The following TNXB variants were observed in gnomAD, a reference collection of about 807,000 sequenced individuals.
TNXB encodes the protein tenascin-X.
TNXB carries 183 observed loss-of-function variants against 340.5 expected under a neutral mutation model. The observed-to-expected ratio is 0.54, with a 90% CI of 0.48 to 0.61. The LOEUF (loss-of-function observed/expected upper bound fraction) is 0.61. Among genes scored for constraint, TNXB ranks in the 20% least tolerant of loss-of-function variants. The probability of loss-of-function intolerance (pLI) is 0.00; values close to 1 mark genes in which losing one functional copy is unlikely to be tolerated. For missense variants in TNXB, 4,613 were observed against 5,446.4 expected (o/e 0.85, Z 4.82); for synonymous variants, 2,121 against 2,314.5 (o/e 0.92, Z 2.40).
In TNXB at chr6:32,068,310, A is replaced by G; in HGVS notation, c.6220+80T>C. The stretch of plus-strand genomic sequence containing the variant: ...GTGGTGCTGACCAGACCCTTGTCCC[A>G]TTCCCCACCAGTCATCACCAAAGAG... On this transcript the variant is annotated intron_variant, in intron 17 of 43. Transcript: ENST00000644971. This position sits in a 1 kb window ranked among gnomAD's most constrained non-coding sequence, Gnocchi z 5.3. 1 of 1,542,264 alleles carries G rather than the reference A, an allele frequency of 6.5e-7. No homozygotes were observed. The highest frequency in any genetic ancestry group is 1.3e-5 in the South Asian group (1 of 79,420).
At position 32,089,834 on chromosome 6, in the gene TNXB, T is replaced by C. The variant is rs748008523; in HGVS notation, c.2359-455A>G. Among the ~76,000 whole-genome samples, 1 of 152,112 alleles carries C rather than the reference T, an allele frequency of 6.6e-6. No homozygotes were observed. Among genetic ancestry groups the C allele is most frequent in the Non-Finnish European group, 1.5e-5 (1 of 68,016 alleles). On this transcript the variant is annotated intron_variant, in intron 4 of 43. Transcript: ENST00000644971. The surrounding 1 kb of genome is among the most constrained non-coding windows in gnomAD (Gnocchi z 6.2). ...TTCCACCCAACATGCACCAGGACTCTCCCTCCAGCTTTGCCCTGGCAACTC... is the reference window on the plus strand; with the variant it reads ...TTCCACCCAACATGCACCAGGACTCCCCCTCCAGCTTTGCCCTGGCAACTC...
rs768976514 is a variant in TNXB, at chr6:32,068,442, G to A, written c.6168C>T (p.Tyr2056=). ...EPDHKYKMNL[Y]GFHGGQRMGP... ...CCATGCGCTGGCCACCGTGGAAGCC[G>A]TACAGGTTCATCTTGTATTTATGGT... Residue 2056 remains tyrosine, a synonymous_variant, in exon 17 of 44, where the codon TAC becomes TAT. Transcript: ENST00000644971. The surrounding 1 kb of genome is among the most constrained non-coding windows in gnomAD (Gnocchi z 5.3). 119 of 1,613,772 alleles carry A rather than the reference G, an allele frequency of 7.4e-5. No individual in the cohort carries two copies. The highest frequency in any genetic ancestry group is 1.6e-4 in the Middle Eastern group (1 of 6,080).
At chr6:32,091,893 T>C (rs1780090132) in intron 4 of TNXB, among the ~76,000 whole-genome samples, 1 of 152,226 alleles carries the variant, frequency 6.6e-6, no homozygotes, top group South Asian at 2.1e-4. Flanking sequence ...TTGCTGTTTT[T>C]AGACTAGACC....
At position 32,108,756 on chromosome 6, in the gene TNXB, C is replaced by T. The variant is rs1005760765; in HGVS notation, c.-9+425G>A. On this transcript the variant is annotated intron_variant, in intron 1 of 43. Transcript: ENST00000644971. The surrounding 1 kb of genome is among the most constrained non-coding windows in gnomAD (Gnocchi z 4.8). ...TGCTCTAGCCCGACATTTGGGATTC[C>T]GCAAGCACTTTCCTTCCAAGGTTCA... Among the ~76,000 whole-genome samples the T allele has an allele frequency of 2.0e-5, 3 of 152,110 alleles. No individual in the cohort carries two copies. Among genetic ancestry groups the T allele is most frequent in the Non-Finnish European group, 4.4e-5 (3 of 68,016 alleles).
Position 32,069,220 on chromosome 6 carries a change from T to C in TNXB, c.5588-84A>G. 7.3e-7 allele frequency: 1 copy of C among 1,371,400 alleles called. No individual in the cohort carries two copies. The highest frequency in any genetic ancestry group is 2.2e-5 in the Admixed American group (1 of 45,616). 85.0% of individuals were successfully genotyped at this position (1,371,400 alleles called of 1,614,324 possible). On this transcript the variant is annotated intron_variant, in intron 15 of 43. Transcript: ENST00000644971. The surrounding 1 kb of genome is among the most constrained non-coding windows in gnomAD (Gnocchi z 6.2). ...AGGAGGAGTGAGGGAGGAGAGGGAG[T>C]GAGGGCAAGCAGTCAGCAATCGAAA...
rs1235302367 is a variant in TNXB, at chr6:32,072,127, G to A, written c.4853C>T (p.Pro1618Leu). The A allele has an allele frequency of 2.5e-6, 4 of 1,613,236 alleles. No homozygotes were observed. The highest frequency in any genetic ancestry group is 3.4e-6 in the Non-Finnish European group (4 of 1,179,574). Residue 1618 changes from proline (P) to leucine (L), a missense_variant, in exon 13 of 44, where the codon CCC (proline) becomes CTC (leucine). Physicochemically the swap from Pro to Leu is moderately conservative, Grantham distance 98. Around this residue, in one of 7 missense-constraint regions of TNXB, gnomAD observed 4,327 missense variants for 4,859.4 expected, o/e 0.89. Transcript: ENST00000644971. This position sits in a 1 kb window ranked among gnomAD's most constrained non-coding sequence, Gnocchi z 4.4. Reference protein sequence around the residue: ...VVQYKDRDGQPQVVPVAADQR... With the variant: ...VVQYKDRDGQLQVVPVAADQR... ...ATCTGCAGCCACGGGCACCACCTGG[G>A]GCTGCCCGTCCCTGTCCTTGTACTG...
Position 32,081,274 on chromosome 6 carries a change from G to A in TNXB, c.4042+94C>T. The A allele has an allele frequency of 3.9e-6, 5 of 1,295,066 alleles. No individual in the cohort carries two copies. Among genetic ancestry groups the A allele is most frequent in the Non-Finnish European group, 5.3e-6 (5 of 947,904 alleles). 80.2% of individuals were successfully genotyped at this position (1,295,066 alleles called of 1,614,324 possible). On this transcript the variant is annotated intron_variant, in intron 10 of 43. Coordinates refer to ENST00000644971, the MANE Select transcript of TNXB (RefSeq NM_001365276.2). This position sits in a 1 kb window ranked among gnomAD's most constrained non-coding sequence, Gnocchi z 5.1. ...AGGCTTTGGCAAAATGAGCTGAGAA[G>A]GCGAAGATGGAGGGAGGCTGGAAGG...
rs1777320044 is a variant in TNXB, at chr6:32,052,191, C to T, written c.9115+479G>A. The stretch of plus-strand genomic sequence containing the variant: ...GGTCGGCTGGGCGCCGTGGCTCACG[C>T]CTATGATCCCAGCACTTTGGGAGGC... On this transcript the variant is annotated intron_variant, in intron 26 of 43. Transcript: ENST00000644971. This position sits in a 1 kb window ranked among gnomAD's most constrained non-coding sequence, Gnocchi z 4.7. Among the ~76,000 whole-genome samples the T allele has an allele frequency of 6.6e-6, 1 of 152,150 alleles. No individual in the cohort carries two copies. The highest frequency in any genetic ancestry group is 1.5e-5 in the Non-Finnish European group (1 of 68,036).
chr6:32,071,992 G>A lies in TNXB; in HGVS notation c.4988C>T (p.Thr1663Met), dbSNP rs571091666. 2.7e-5 allele frequency: 43 copies of A among 1,596,232 alleles called. No homozygotes were observed. The highest frequency in any genetic ancestry group is 2.2e-4 in the Admixed American group (13 of 59,490). The change falls in exon 13 of 44, where the codon ACG (threonine) becomes ATG (methionine). Residue 1663 changes from threonine to methionine, a missense_variant and splice_region_variant. Thr to Met is a moderately conservative substitution (Grantham distance 81). Transcript: ENST00000644971. ...RRSPVSVEAK[T>M]VARGDASPGA... ...AGCTGTGTAGGGGCCCATCTCACCC[G>A]TCTTTGCCTCCACAGAGACTGGGCT...
Position 32,085,301 on chromosome 6 carries a change from C to T in TNXB, c.3148+449G>A, listed in dbSNP as rs941774981. On this transcript the variant is annotated intron_variant, in intron 7 of 43. Coordinates refer to ENST00000644971, the MANE Select transcript of TNXB (RefSeq NM_001365276.2). This position sits in a 1 kb window ranked among gnomAD's most constrained non-coding sequence, Gnocchi z 6.4. ...TGATGGGACCATGGACTGCTGTCCA[C>T]TGCAAACCAGGCTCCCAGGGACGAG... 1.1e-4 allele frequency among the ~76,000 whole-genome samples: 17 copies of T among 152,240 alleles called. No individual in the cohort carries two copies. Among genetic ancestry groups the T allele is most frequent in the Non-Finnish European group, 1.9e-4 (13 of 68,048 alleles).
Position 32,052,888 on chromosome 6 carries a change from T to G in TNXB, c.8897A>C (p.Asp2966Ala). 1.2e-6 allele frequency: 2 copies of G among 1,612,532 alleles called. No individual in the cohort carries two copies. Among genetic ancestry groups the G allele is most frequent in the Non-Finnish European group, 1.7e-6 (2 of 1,179,752 alleles). ...GELTVTGSSP[D>A]SLSLSWTIPQ... ...GATGGTCCAGGAGAGGCTCAGCGAG[T>G]CAGGGGAGGATCCTGTCACTGTCAG... Residue 2966 changes from aspartate (D) to alanine (A), a missense_variant, in exon 26 of 44, where the codon GAC becomes GCC. Physicochemically the swap from Asp to Ala is moderately radical, Grantham distance 126. Transcript: ENST00000644971. The surrounding 1 kb of genome is among the most constrained non-coding windows in gnomAD (Gnocchi z 4.7).
At position 32,089,268 on chromosome 6, in the gene TNXB, G is replaced by A. The variant is rs776859624; in HGVS notation, c.2470C>T (p.Arg824Ter). The A allele has an allele frequency of 1.2e-6, 2 of 1,606,884 alleles. No individual in the cohort carries two copies. Among genetic ancestry groups the A allele is most frequent in the African/African-American group, 1.3e-5 (1 of 74,882 alleles). The change falls in exon 5 of 44, where the codon CGA (arginine) becomes TGA (stop). Residue 824 changes from arginine to a stop codon, truncating the protein, a stop_gained. Coordinates refer to ENST00000644971, the MANE Select transcript of TNXB (RefSeq NM_001365276.2). LOFTEE classifies it high-confidence loss of function. This position sits in a 1 kb window ranked among gnomAD's most constrained non-coding sequence, Gnocchi z 6.2. ...GCAGGAAGGCCCCAGCTGGTCCCTC[G>A]AAGGGCTCGGACAGTGACCTGGTAC... ...QEYQVTVRAL[R>*]GTSWGLPASK...
At position 32,069,763 on chromosome 6, in the gene TNXB, C is replaced by T. The variant is rs771949119; in HGVS notation, c.5377G>A (p.Gly1793Ser). 39 of 1,610,078 alleles carry T rather than the reference C, an allele frequency of 2.4e-5. No homozygotes were observed. Among genetic ancestry groups the T allele is most frequent in the Non-Finnish European group, 3.3e-5 (39 of 1,178,208 alleles). The change falls in exon 15 of 44, where the codon GGC becomes AGC. Residue 1793 changes from glycine to serine, a missense_variant. Physicochemically the swap from Gly to Ser is moderately conservative, Grantham distance 56 (BLOSUM62 0). Transcript: ENST00000644971. This position sits in a 1 kb window ranked among gnomAD's most constrained non-coding sequence, Gnocchi z 6.2. ...CCCTCAGGGACTGTCCAGGAGAGGC[C>T]CACGGAGTTCTGGGTCACGGTGGTC... is the stretch of plus-strand genomic sequence containing the variant. Reference protein sequence around the residue: ...QVTTVTQNSVGLSWTVPEGQF... With the variant: ...QVTTVTQNSVSLSWTVPEGQF...
chr6:32,096,170 C>G lies in TNXB; in HGVS notation c.1683G>C (p.Gly561=). The change falls in exon 3 of 44, where the codon GGG becomes GGC. Residue 561 remains glycine, a synonymous_variant. Transcript: ENST00000644971. ...GEDCSTRSCP[G]GCRGRGQCLD... ...GGCACTGGCCGCGGCCTCGGCAGCCCCCGGGGCAGCTGCGCGTGCTGCAGT... is the reference window on the plus strand; with the variant it reads ...GGCACTGGCCGCGGCCTCGGCAGCCGCCGGGGCAGCTGCGCGTGCTGCAGT... 1.3e-6 allele frequency: 2 copies of G among 1,575,778 alleles called. No individual in the cohort carries two copies. The highest frequency in any genetic ancestry group is 1.7e-6 in the Non-Finnish European group (2 of 1,163,208).
intron 4 of TNXB, chr6:32,093,521 C>T (rs1480988290): frequency 1.6e-6 from 1 of 626,264 alleles, no homozygotes; most frequent in African/African-American, 1.8e-5. Context: ...TGAGCTGTCC[C>T]CTTCTGTCCT....
At chr6:32,041,691 G>A in intron 43 of TNXB, 80 bp downstream of exon 43, 1 of 1,100,320 alleles carries the variant, frequency 9.1e-7, no homozygotes, top group Non-Finnish European at 1.4e-6. Context: ...TCAGTCCCTT[G>A]CCTGTTACAC....
chr6:32,048,321 G>C (rs772760937), intron 29 of TNXB, 42 bp downstream of exon 29: 12 of 1,472,984 alleles, frequency 8.1e-6, no homozygotes, highest in Non-Finnish European at 1.1e-5. Context: ...GCCACAAGGG[G>C]GCGAAGGCTC....
In TNXB at chr6:32,097,073, C is replaced by A; in HGVS notation, c.780G>T (p.Glu260Asp). Residue 260 changes from glutamate to aspartate, a missense_variant, in exon 3 of 44, where the codon GAG becomes GAT. Around this residue, in one of 7 missense-constraint regions of TNXB, gnomAD observed 4,327 missense variants for 4,859.4 expected, o/e 0.89. Coordinates refer to ENST00000644971, the MANE Select transcript of TNXB (RefSeq NM_001365276.2). This position sits in a 1 kb window ranked among gnomAD's most constrained non-coding sequence, Gnocchi z 5.9. ...CTGGGTCACACACGCAGCGCCCACC[C>A]TCACAGCGTCCCCTCTGGCTGCAAC... ...PRGCSQRGRC[E>D]GGRCVCDPGY... The A allele has an allele frequency of 1.2e-6, 2 of 1,613,606 alleles. No homozygotes were observed. Among genetic ancestry groups the A allele is most frequent in the Non-Finnish European group, 1.7e-6 (2 of 1,179,730 alleles).
rs1779287944 is a variant in TNXB at position 32,079,151 on chromosome 6, C to T, written c.4257G>A (p.Gly1419=). ...RDGRPRAVRV[G]GKESEVTVGG... is the part of the protein sequence containing the mutation. ...CCACGGTGACCTCACTCTCCTTGCC[C>T]CCAACACGCACCGCCCGGGGCCGCC... The change falls in exon 11 of 44, where the codon GGG becomes GGA. Residue 1419 remains glycine, a synonymous_variant. Coordinates refer to ENST00000644971, the MANE Select transcript of TNXB (RefSeq NM_001365276.2). This position sits in a 1 kb window ranked among gnomAD's most constrained non-coding sequence, Gnocchi z 7.1. The T allele has an allele frequency of 3.7e-6, 6 of 1,613,890 alleles. No individual in the cohort carries two copies. The highest frequency in any genetic ancestry group is 5.1e-6 in the Non-Finnish European group (6 of 1,179,898).
Sources: allele counts gnomAD v4.1 joint callset (sites outside exome capture counted in the v4.1 genomes callset), GRCh38; gene constraint gnomAD v4.1.1; regional missense constraint gnomAD v4.1.1; non-coding constraint Gnocchi (gnomAD v3.1); transcripts MANE v1.5; gene names NCBI Gene and HGNC (gene_info 2026-07-23, HGNC 2026-07-21).